Variants in RPH3AL observed in about 807,000 individuals in gnomAD.
The protein encoded by RPH3AL is rab effector Noc2.
A neutral mutation model predicts 43.1 loss-of-function variants in RPH3AL; 38 were observed. That is an observed-to-expected ratio of 0.88 (90% CI 0.68 to 1.15). RPH3AL has a LOEUF of 1.15. RPH3AL is among the 50% of genes most tolerant of loss of function. RPH3AL has a pLI of 0.00. For missense variants in RPH3AL, 462 were observed against 423.2 expected (o/e 1.09, Z -0.81); for synonymous variants, 189 against 176.3 (o/e 1.07, Z -0.57).
chr17:309,210 G>A (rs551267054), intron 5 of RPH3AL, among the ~76,000 whole-genome samples: 86 of 152,256 alleles, frequency 5.6e-4, no homozygotes, highest in South Asian at 2.1e-3. Flanking sequence ...TGGGAGGATC[G>A]ATTGAGCCCA....
rs376464030 is a variant in RPH3AL at position 345,123 on chromosome 17, G to A, written c.-213+7589C>T. Among the ~76,000 whole-genome samples the A allele has an allele frequency of 1.5e-5, 2 of 132,752 alleles. 1 individual carries two copies. The highest frequency in any genetic ancestry group is 5.2e-5 in the African/African-American group (2 of 38,552). The allele number at this position is 132,752 out of a possible 152,430, so 87.1% of individuals were successfully genotyped here. ...GTCTCTGAAAACACACACACACACAGAAAAAATTAGCTGGGCTCAGTGACA... is the reference window on the plus strand; with the variant it reads ...GTCTCTGAAAACACACACACACACAAAAAAAATTAGCTGGGCTCAGTGACA... On this transcript the variant is annotated intron_variant, in intron 1 of 9. Coordinates refer to ENST00000331302, the MANE Select transcript of RPH3AL (RefSeq NM_006987.4).
At chr17:292,655 A>G (rs576763129) in intron 5 of RPH3AL, among the ~76,000 whole-genome samples, 17 of 151,976 alleles carry the variant, frequency 1.1e-4, no homozygotes, top group African/African-American at 3.9e-4. Context: ...GCAGGCCCTC[A>G]TCCTCCCGCC....
chr17:336,848 T>G (rs575979974), intron 1 of RPH3AL, among the ~76,000 whole-genome samples: 2 of 152,250 alleles, frequency 1.3e-5, no homozygotes, highest in South Asian at 4.1e-4. Context: ...CCCTCTCACC[T>G]GGAACGCCTT....
At chr17:273,063 G>A (rs112072651) in intron 6 of RPH3AL, among the ~76,000 whole-genome samples, 469 of 132,308 alleles carry the variant, frequency 3.5e-3, no homozygotes, top group African/African-American at 0.01. Flanking sequence ...AGACCCCAGC[G>A]AGGGCGACGT....
chr17:261,294 G>T (rs775825268), intron 6 of RPH3AL, among the ~76,000 whole-genome samples: 48 of 152,204 alleles, frequency 3.2e-4, no homozygotes, highest in Non-Finnish European at 6.0e-4. Context: ...TTTAGATGAG[G>T]CCATGAGGGT....
At chr17:295,720 A>G (rs373380406) in intron 5 of RPH3AL, among the ~76,000 whole-genome samples, 3 of 12,642 alleles carry the variant, frequency 2.4e-4, no homozygotes, top group Non-Finnish European at 1.9e-4. Flanking sequence ...GGAGGGACAC[A>G]GATGCTGCAG....
chr17:226,299 T>A (rs1597883062), intron 7 of RPH3AL, among the ~76,000 whole-genome samples: 1 of 152,074 alleles, frequency 6.6e-6, no homozygotes, highest in East Asian at 1.9e-4. Flanking sequence ...AGGAAGCCGA[T>A]GAGACAGACT....
chr17:314,681 A>C (rs200881410), intron 5 of RPH3AL, among the ~76,000 whole-genome samples: 11 of 4,248 alleles, frequency 2.6e-3, no homozygotes, highest in South Asian at 6.4e-3. Context: ...AGTCTCTGTG[A>C]CTCCACCTCC....
intron 5 of RPH3AL, among the ~76,000 whole-genome samples, chr17:313,800 C>T (rs1235978543): frequency 5.9e-5 from 9 of 152,244 alleles, no homozygotes; most frequent in South Asian, 2.1e-4. Flanking sequence ...GATGAATGAA[C>T]GAATGACACC....
chr17:256,664 C>T (rs1268816094), intron 6 of RPH3AL, among the ~76,000 whole-genome samples: 1 of 1,344 alleles, frequency 7.4e-4, no homozygotes, highest in African/African-American at 2.5e-3. Context: ...AGCCGCACGG[C>T]GTCTGTCCTT....
intron 7 of RPH3AL, among the ~76,000 whole-genome samples, chr17:240,582 G>T (rs1039841956): frequency 3.3e-5 from 5 of 152,254 alleles, no homozygotes; most frequent in East Asian, 1.9e-4. Context: ...CTTCCACTTC[G>T]CATGGTGTTT....
rs2042792269 is a variant in RPH3AL at position 281,968 on chromosome 17, C to T, written c.352-114G>A. ...AGCATCTTCCAAGGAGCGTCTCTTGCTTCAGGATAGAAGGAATCAATCACC... is the reference window on the plus strand; with the variant it reads ...AGCATCTTCCAAGGAGCGTCTCTTGTTTCAGGATAGAAGGAATCAATCACC... On this transcript the variant is annotated intron_variant, in intron 5 of 9. Coordinates refer to ENST00000331302, the MANE Select transcript of RPH3AL (RefSeq NM_006987.4). 9.1e-6 allele frequency: 7 copies of T among 771,098 alleles called. No individual in the cohort carries two copies. In the East Asian group the frequency reaches 1.8e-4, roughly 20 times the overall value. The allele number at this position is 771,098 out of a possible 1,614,324, so 47.8% of individuals were successfully genotyped here.
intron 6 of RPH3AL, among the ~76,000 whole-genome samples, chr17:265,025 A>C (rs2151578082): frequency 6.6e-6 from 1 of 152,346 alleles, no homozygotes; most frequent in African/African-American, 2.4e-5. Context: ...AATAAAACCC[A>C]AAAAGTAGCT....
At chr17:257,725 G>C (rs1555544822) in intron 6 of RPH3AL, among the ~76,000 whole-genome samples, 1 of 55,912 alleles carries the variant, frequency 1.8e-5, no homozygotes, top group Admixed American at 1.6e-4. Flanking sequence ...CCTATGAGGG[G>C]AGCCGCACGG....
Position 279,862 on chromosome 17 carries a change from G to A in RPH3AL, c.438+1906C>T, listed in dbSNP as rs1425490778. Reference sequence around the variant, plus strand: ...AGGAAGGGAGGCCTCTGATAGTTATGGAATATCTATGCTGGAGGTTTTGCC... The same window carrying A: ...AGGAAGGGAGGCCTCTGATAGTTATAGAATATCTATGCTGGAGGTTTTGCC... On this transcript the variant is annotated intron_variant, in intron 6 of 9. Transcript: ENST00000331302. 2.1e-4 allele frequency among the ~76,000 whole-genome samples: 32 copies of A among 152,158 alleles called. 1 individual carries two copies. Among genetic ancestry groups the A allele is most frequent in the Admixed American group, 2.1e-3 (32 of 15,280 alleles).
At chr17:235,701 C>T (rs111749468) in intron 7 of RPH3AL, among the ~76,000 whole-genome samples, 6 of 29,228 alleles carry the variant, frequency 2.1e-4, no homozygotes, top group African/African-American at 5.9e-4. Flanking sequence ...AGACAGGTCC[C>T]GGGTTCAAAG....
At chr17:293,398 G>A (rs966151610) in intron 5 of RPH3AL, among the ~76,000 whole-genome samples, 16 of 151,932 alleles carry the variant, frequency 1.1e-4, no homozygotes, top group African/African-American at 2.9e-4. Context: ...TTCTGCACTC[G>A]TGCCTCTGCG....
chr17:317,542 G>T (rs1217803818), intron 5 of RPH3AL, among the ~76,000 whole-genome samples: 3 of 150,936 alleles, frequency 2.0e-5, no homozygotes, highest in Non-Finnish European at 4.4e-5. Context: ...AAGTCCCTGT[G>T]CCCCCACCTC....
intron 7 of RPH3AL, among the ~76,000 whole-genome samples, chr17:223,225 C>T (rs1021082477): frequency 2.6e-5 from 4 of 151,870 alleles, no homozygotes; most frequent in Admixed American, 6.6e-5. Flanking sequence ...TCCAAAGTCT[C>T]GGTTTTCATG....
Sources: gnomAD v4.1 joint callset for allele counts (sites outside exome capture counted in the v4.1 genomes callset) on GRCh38, gnomAD v4.1.1 for gene constraint, MANE v1.5 for transcripts, NCBI Gene and HGNC (gene_info 2026-07-23, HGNC 2026-07-21) for gene names.